EHMT1: variants seen among roughly 807,000 people sequenced by gnomAD.
The protein encoded by EHMT1 is histone-lysine N-methyltransferase EHMT1.
In EHMT1, 15 loss-of-function variants were observed where a neutral mutation model predicts 147.2. The observed-to-expected ratio is 0.10, with a 90% confidence interval of 0.07 to 0.16. The LOEUF (loss-of-function observed/expected upper bound fraction) is 0.16. EHMT1 is among the 10% of genes least tolerant of loss of function. The pLI is 1.00. For missense variants in EHMT1, 1,587 were observed against 1,772.4 expected (o/e 0.90, Z 1.88); for synonymous variants, 795 against 709.6 (o/e 1.12, Z -1.91).
intron 10 of EHMT1, among the ~76,000 whole-genome samples, chr9:137,770,649 C>G (rs1442364898): frequency 6.6e-6 from 1 of 152,210 alleles, no homozygotes; most frequent in Non-Finnish European, 1.5e-5. Flanking sequence ...GTGCCCTAGG[C>G]CATAGGGTTC....
At chr9:137,707,555 A>G (rs1386002078) in intron 1 of EHMT1, among the ~76,000 whole-genome samples, 1 of 152,224 alleles carries the variant, frequency 6.6e-6, no homozygotes, top group Non-Finnish European at 1.5e-5. Flanking sequence ...TAACACTGGT[A>G]TGAGGCCTGG....
intron 10 of EHMT1, among the ~76,000 whole-genome samples, chr9:137,770,429 A>T (rs1472645400): frequency 6.6e-6 from 1 of 152,122 alleles, no homozygotes. Flanking sequence ...GTCATCTCTG[A>T]GTGTGCTTCT....
chr9:137,734,958 A>G (rs562275674), intron 4 of EHMT1, among the ~76,000 whole-genome samples: 1 of 152,372 alleles, frequency 6.6e-6, no homozygotes, highest in African/African-American at 2.4e-5. Context: ...GGAGCCTAGC[A>G]GGTTGAAAAG....
At chr9:137,691,774 C>A (rs191853043) in intron 1 of EHMT1, among the ~76,000 whole-genome samples, 102 of 152,284 alleles carry the variant, frequency 6.7e-4, no homozygotes, top group African/African-American at 2.2e-3. Flanking sequence ...TTGTAAGGGT[C>A]CATCTCTTTG....
chr9:137,636,729 T>C (rs1008978491), intron 1 of EHMT1, among the ~76,000 whole-genome samples: 1 of 152,322 alleles, frequency 6.6e-6, no homozygotes, highest in Admixed American at 6.5e-5. Context: ...GTTTCTGCCC[T>C]AAATCCATTT....
Position 137,732,010 on chromosome 9 carries a change from A to T in EHMT1, c.823+3481A>T, listed in dbSNP as rs529808259. On this transcript the variant is annotated intron_variant, in intron 4 of 26. Transcript: ENST00000460843. This position sits in a 1 kb window ranked among gnomAD's most constrained non-coding sequence, Gnocchi z 4.6. ...CCAGCAACTGCAGAGCCCCAAGGGG[A>T]TAGGGTGGGAGAGTGTGCTATAGCT... 6.6e-6 allele frequency among the ~76,000 whole-genome samples: 1 copy of T among 152,272 alleles called. No homozygotes were observed. Among genetic ancestry groups the T allele is most frequent in the African/African-American group, 2.4e-5 (1 of 41,562 alleles).
chr9:137,655,241 T>C (rs1344230589), intron 1 of EHMT1, among the ~76,000 whole-genome samples: 1 of 152,154 alleles, frequency 6.6e-6, no homozygotes, highest in Non-Finnish European at 1.5e-5. Context: ...GGTCTCGAAC[T>C]CCTGACCTCA....
At chr9:137,649,208 C>A (rs1225457134) in intron 1 of EHMT1, among the ~76,000 whole-genome samples, 1 of 151,978 alleles carries the variant, frequency 6.6e-6, no homozygotes, top group Non-Finnish European at 1.5e-5. Context: ...CTTTGTGAGG[C>A]CAAGGCGGGT....
rs1489327048 is a variant in EHMT1 at position 137,787,692 on chromosome 9, G to A, written c.2383-3156G>A. 11 of 672,912 alleles carry A rather than the reference G, an allele frequency of 1.6e-5. No homozygotes were observed. The highest frequency in any genetic ancestry group is 3.2e-4 in the Middle Eastern group (1 of 3,108). The allele number at this position is 672,912 out of a possible 1,614,324, so 41.7% of individuals were successfully genotyped here. On this transcript the variant is annotated intron_variant, in intron 15 of 26. Coordinates refer to ENST00000460843, the MANE Select transcript of EHMT1 (RefSeq NM_024757.5). This position sits in a 1 kb window ranked among gnomAD's most constrained non-coding sequence, Gnocchi z 4.2. ...ACAGGCTGCACCGGGAGAGCAGCCC[G>A]CCTGGGCCAGGGGCCGCCAGGTCCC...
At chr9:137,691,330 A>G (rs1402139845) in intron 1 of EHMT1, among the ~76,000 whole-genome samples, 1 of 147,188 alleles carries the variant, frequency 6.8e-6, no homozygotes, top group Non-Finnish European at 1.5e-5. Flanking sequence ...TATATAAAAT[A>G]TATTTTTTTT....
At position 137,814,455 on chromosome 9, in the gene EHMT1, T is replaced by G; in HGVS notation, c.3205T>G (p.Ser1069Ala). Residue 1069 changes from serine (S) to alanine (A), a missense_variant, in exon 22 of 27, where the codon TCC becomes GCC. By Grantham distance (99) the Ser-to-Ala change is moderately conservative. This residue lies in a region of EHMT1 where 156 missense variants were observed against 252.5 expected (regional missense o/e 0.62). Coordinates refer to ENST00000460843, the MANE Select transcript of EHMT1 (RefSeq NM_024757.5). ...GTACTGCGTGTGCATCGACGACTGC[T>G]CCTCCAGCAACTGCATGTGCGGCCA... ...LQYCVCIDDCSSSNCMCGQLS... is the reference protein window; with the variant it reads ...LQYCVCIDDCASSNCMCGQLS... The G allele has an allele frequency of 4.3e-6, 7 of 1,610,628 alleles. No individual in the cohort carries two copies. Among genetic ancestry groups the G allele is most frequent in the Non-Finnish European group, 5.9e-6 (7 of 1,180,008 alleles).
rs1296727919 is a variant in EHMT1 at position 137,775,955 on chromosome 9, G to A, written c.1792-663G>A. Among the ~76,000 whole-genome samples the A allele has an allele frequency of 5.3e-5, 8 of 152,046 alleles. No homozygotes were observed. Among genetic ancestry groups the A allele is most frequent in the African/African-American group, 1.9e-4 (8 of 41,380 alleles). Reference sequence around the variant, plus strand: ...TGCCTGTAAGCGTCTGTCTGTGTGCGCCTGTGTGTGTGAGTGTTTGAGTGT... The same window carrying A: ...TGCCTGTAAGCGTCTGTCTGTGTGCACCTGTGTGTGTGAGTGTTTGAGTGT... On this transcript the variant is annotated intron_variant, in intron 11 of 26. Transcript: ENST00000460843. The surrounding 1 kb of genome is among the most constrained non-coding windows in gnomAD (Gnocchi z 6.1).
chr9:137,620,645 C>T (rs948620832), intron 1 of EHMT1, among the ~76,000 whole-genome samples: 11 of 152,134 alleles, frequency 7.2e-5, no homozygotes, highest in South Asian at 6.2e-4. Context: ...TGCCTGCCTC[C>T]GCCTCCCTAA....
chr9:137,792,581 T>C (rs576786277), intron 16 of EHMT1, among the ~76,000 whole-genome samples: 1 of 152,316 alleles, frequency 6.6e-6, no homozygotes, highest in Non-Finnish European at 1.5e-5. Context: ...GATGGGTGCC[T>C]GTAATCCCAG....
At chr9:137,810,654 A>G (rs1954397310) in intron 18 of EHMT1, among the ~76,000 whole-genome samples, 1 of 151,804 alleles carries the variant, frequency 6.6e-6, no homozygotes, top group Admixed American at 6.6e-5. Context: ...TATTTCTCCA[A>G]ATTTTATTTG....
In EHMT1 at chr9:137,680,493, G is replaced by A. The variant is rs1321671039; in HGVS notation, c.22-30474G>A. On this transcript the variant is annotated intron_variant, in intron 1 of 26. Transcript: ENST00000460843. ...GTCTCAAAAAAACAATTATCAAGTGGGTCATAATTTGCATGGAAATAAATT... is the reference window on the plus strand; with the variant it reads ...GTCTCAAAAAAACAATTATCAAGTGAGTCATAATTTGCATGGAAATAAATT... Among the ~76,000 whole-genome samples the A allele has an allele frequency of 2.0e-5, 3 of 152,096 alleles. No individual in the cohort carries two copies. In the East Asian group the frequency reaches 5.8e-4, roughly 29 times the overall value.
At chr9:137,764,890 A>C (rs1333846940) in intron 10 of EHMT1, 3 of 152,186 alleles carry the variant, frequency 2.0e-5, no homozygotes, top group Non-Finnish European at 4.4e-5. Flanking sequence ...GACTTAGCTC[A>C]TAACTTTCTT....
intron 4 of EHMT1, among the ~76,000 whole-genome samples, chr9:137,742,782 A>C (rs542531817): frequency 3.9e-5 from 6 of 152,270 alleles, no homozygotes; most frequent in African/African-American, 9.6e-5. Flanking sequence ...ATTGCAGCGC[A>C]AGGAGGATGG....
Position 137,741,227 on chromosome 9 carries a change from C to T in EHMT1, c.824-2144C>T, listed in dbSNP as rs184835408. ...TCCTGACCTCGTGATCCACCCGCCTCGGCCTCGCAAAGTGCTGGGATTACA... is the reference window on the plus strand; with the variant it reads ...TCCTGACCTCGTGATCCACCCGCCTTGGCCTCGCAAAGTGCTGGGATTACA... On this transcript the variant is annotated intron_variant, in intron 4 of 26. Transcript: ENST00000460843. Among the ~76,000 whole-genome samples the T allele has an allele frequency of 9.2e-5, 14 of 152,248 alleles. No homozygotes were observed. In the East Asian group the frequency reaches 1.3e-3, roughly 15 times the overall value.
Sources: gnomAD v4.1 joint callset for allele counts (sites outside exome capture counted in the v4.1 genomes callset) on GRCh38, gnomAD v4.1.1 for gene constraint, gnomAD v4.1.1 regional missense constraint, Gnocchi (gnomAD v3.1) non-coding constraint, MANE v1.5 for transcripts, NCBI Gene and HGNC (gene_info 2026-07-23, HGNC 2026-07-21) for gene names.